DCC: variants seen among roughly 807,000 people sequenced by gnomAD.
DCC encodes DCC netrin 1 receptor, also known as netrin receptor DCC.
DCC carries 58 observed loss-of-function variants against 172.5 expected under a neutral mutation model. The ratio of observed to expected loss-of-function variants is 0.34; its 90% CI spans 0.27 to 0.42. The LOEUF (loss-of-function observed/expected upper bound fraction) is 0.42, where lower values mean the gene tolerates loss of function less well. Among genes scored for constraint, DCC ranks in the 10% least tolerant of loss-of-function variants. DCC has a pLI of 1.00. For missense variants in DCC, 1,740 were observed against 1,791.0 expected (o/e 0.97, Z 0.51); for synonymous variants, 709 against 644.5 (o/e 1.10, Z -1.52).
rs1246258290 is a variant in DCC at position 53,003,258 on chromosome 18, TTAAA to T, written c.986-60043_986-60040del. 7.9e-5 allele frequency among the ~76,000 whole-genome samples: 12 copies of T among 152,222 alleles called. No individual in the cohort carries two copies. The East Asian group carries it at 2.1e-3, about 27-fold the overall frequency. On this transcript the variant is annotated intron_variant, in intron 5 of 28. Transcript: ENST00000442544. ...GCTGCAAGAAATCACCATCCTTTAA[TTAAA>T]TAACGGATTATTGAAGGCAAATCAT... is the stretch of plus-strand genomic sequence containing the variant.
At chr18:53,365,864 C>T in intron 15 of DCC, among the ~76,000 whole-genome samples, 1 of 152,118 alleles carries the variant, frequency 6.6e-6, no homozygotes, top group South Asian at 2.1e-4. Context: ...ACAACAAATC[C>T]TTTGCTGACA....
At chr18:53,138,419 A>C (rs2043779657) in intron 7 of DCC, among the ~76,000 whole-genome samples, 1 of 152,234 alleles carries the variant, frequency 6.6e-6, no homozygotes, top group African/African-American at 2.4e-5. Flanking sequence ...ATAAAGTCAA[A>C]AACATAATAT....
chr18:53,195,548 T>G (rs1401925654), intron 9 of DCC, among the ~76,000 whole-genome samples: 2 of 152,200 alleles, frequency 1.3e-5, no homozygotes, highest in African/African-American at 2.4e-5. Context: ...GGAATTATTC[T>G]CATTGTTTTT....
intron 7 of DCC, among the ~76,000 whole-genome samples, chr18:53,095,560 A>G (rs1032411821): frequency 1.8e-4 from 28 of 152,304 alleles, no homozygotes; most frequent in Admixed American, 1.2e-3. Flanking sequence ...GAAAGCATCA[A>G]TGAATTTCTT....
At chr18:52,590,466 A>T (rs1349931) in intron 1 of DCC, among the ~76,000 whole-genome samples, 1 of 152,210 alleles carries the variant, frequency 6.6e-6, no homozygotes, top group African/African-American at 2.4e-5. Context: ...GTCTACATGA[A>T]TAAATAATAT....
intron 1 of DCC, among the ~76,000 whole-genome samples, chr18:52,458,543 C>G (rs1988528681): frequency 6.6e-6 from 1 of 152,172 alleles, no homozygotes; most frequent in Non-Finnish European, 1.5e-5. Context: ...ATGAGTTCCT[C>G]TCTTACACCC....
chr18:52,468,584 G>A (rs1988855936), intron 1 of DCC, among the ~76,000 whole-genome samples: 1 of 152,148 alleles, frequency 6.6e-6, no homozygotes, highest in Non-Finnish European at 1.5e-5. Context: ...CTTATTAATA[G>A]TTAATATGTT....
intron 1 of DCC, among the ~76,000 whole-genome samples, chr18:52,582,402 T>G (rs1312671222): frequency 6.6e-6 from 1 of 152,182 alleles, no homozygotes; most frequent in Non-Finnish European, 1.5e-5. Context: ...CTTAATGGCA[T>G]TTAGCATCTT....
At chr18:52,423,472 A>G (rs1987319938) in intron 1 of DCC, among the ~76,000 whole-genome samples, 1 of 151,910 alleles carries the variant, frequency 6.6e-6, no homozygotes, top group Admixed American at 6.6e-5. Flanking sequence ...AGGCCTCTTG[A>G]CTACACAGGC....
intron 12 of DCC, among the ~76,000 whole-genome samples, chr18:53,216,496 A>T (rs1043883622): frequency 6.6e-6 from 1 of 152,190 alleles, no homozygotes; most frequent in African/African-American, 2.4e-5. Context: ...AACCTTAGCA[A>T]ACCTCTTTCT....
At chr18:52,717,128 G>A (rs1287930806) in intron 1 of DCC, among the ~76,000 whole-genome samples, 1 of 152,186 alleles carries the variant, frequency 6.6e-6, no homozygotes, top group Non-Finnish European at 1.5e-5. Context: ...AGTCCACTGA[G>A]CTTCTGCAGA....
chr18:53,100,515 G>A (rs12956998), intron 7 of DCC, among the ~76,000 whole-genome samples: 14,399 of 151,862 alleles, frequency 0.095, 1,099 homozygotes, highest in East Asian at 0.36. Context: ...GGAGAACGAG[G>A]ACAATAGGTA....
intron 7 of DCC, among the ~76,000 whole-genome samples, chr18:53,069,350 G>A (rs2042620922): frequency 6.6e-6 from 1 of 152,138 alleles, no homozygotes; most frequent in Non-Finnish European, 1.5e-5. Flanking sequence ...TTAAGAAGAA[G>A]CTCTATTTCG....
intron 7 of DCC, among the ~76,000 whole-genome samples, chr18:53,101,420 A>G (rs2043170775): frequency 1.3e-5 from 2 of 152,104 alleles, no homozygotes. Context: ...CATGACCAGT[A>G]CTAAATCAGC....
chr18:53,256,017 A>T (rs948216868), intron 12 of DCC, among the ~76,000 whole-genome samples: 40 of 152,172 alleles, frequency 2.6e-4, no homozygotes, highest in Admixed American at 8.5e-4. Flanking sequence ...TCTTCTTTTG[A>T]GAAGTGTCTG....
chr18:52,895,250 C>G (rs750611403), intron 2 of DCC, among the ~76,000 whole-genome samples: 2 of 152,228 alleles, frequency 1.3e-5, no homozygotes, highest in African/African-American at 4.8e-5. Context: ...ATGAGCATTG[C>G]AACCATTCAT....
intron 1 of DCC, among the ~76,000 whole-genome samples, chr18:52,740,965 CCTT>C (rs1224137067): frequency 2.6e-5 from 4 of 152,124 alleles, no homozygotes; most frequent in African/African-American, 9.7e-5. Context: ...GAAGATGCCT[CCTT>C]GTTTTATTAA....
chr18:52,975,915 G>T (rs1214195415), intron 5 of DCC, among the ~76,000 whole-genome samples: 1 of 152,086 alleles, frequency 6.6e-6, no homozygotes, highest in East Asian at 1.9e-4. Flanking sequence ...CTGCTCTTGG[G>T]TCTTTAAGGA....
intron 12 of DCC, among the ~76,000 whole-genome samples, chr18:53,219,793 C>A (rs752324729): frequency 2.6e-5 from 4 of 152,146 alleles, no homozygotes; most frequent in Non-Finnish European, 1.5e-5. Flanking sequence ...GTTCAGCAAT[C>A]ATATGATTTC....
Sources: allele counts gnomAD v4.1 joint callset (sites outside exome capture counted in the v4.1 genomes callset), GRCh38; gene constraint gnomAD v4.1.1; transcripts MANE v1.5; gene names NCBI Gene and HGNC (gene_info 2026-07-23, HGNC 2026-07-21).